Variants in OGDH observed in about 807,000 individuals in gnomAD.
The protein encoded by OGDH is 2-oxoglutarate dehydrogenase complex component E1.
A neutral mutation model predicts 116.6 loss-of-function variants in OGDH; 38 were observed. That is an observed-to-expected ratio of 0.33 (90% confidence interval 0.25 to 0.43). OGDH has a LOEUF of 0.43. Ranked by LOEUF, OGDH falls within the 20% of genes least tolerant of loss-of-function variation. OGDH has a pLI of 1.00. For missense variants in OGDH, 825 were observed against 1,357.2 expected, an observed-to-expected ratio of 0.61 and a Z score of 6.16; for synonymous variants, 488 against 533.3, an observed-to-expected ratio of 0.92 and a Z score of 1.17.
chr7:44,670,672 T>A (rs1260628648), intron 5 of OGDH, among the ~76,000 whole-genome samples: 1 of 152,190 alleles, frequency 6.6e-6, no homozygotes, highest in Non-Finnish European at 1.5e-5. Flanking sequence ...TTTTTGTGCA[T>A]CTAATTTAGA....
intron 1 of OGDH, among the ~76,000 whole-genome samples, chr7:44,611,284 G>C (rs921072201): frequency 6.6e-6 from 1 of 150,884 alleles, no homozygotes; most frequent in African/African-American, 2.4e-5. Flanking sequence ...TTTTTGAGAC[G>C]GAGTCTCGCT....
At chr7:44,706,624 A>ATTTTTTTTTTT (rs60453820) in intron 20 of OGDH, among the ~76,000 whole-genome samples, 15 of 123,242 alleles carry the variant, frequency 1.2e-4, no homozygotes, top group African/African-American at 2.9e-4. Flanking sequence ...CCCGGCTGGT[A>ATTTTTTTTTTT]TTTTTTTTTT....
chr7:44,676,612 GTGTATATATA>G (rs1006688069), intron 9 of OGDH: 3 of 111,502 alleles, frequency 2.7e-5, no homozygotes, highest in African/African-American at 1.7e-4. Context: ...GTGTGTGTGT[GTGTATATATA>G]TATATATATA....
At chr7:44,647,438 T>C in intron 3 of OGDH, 2 of 1,535,856 alleles carry the variant, frequency 1.3e-6, no homozygotes, top group Non-Finnish European at 1.7e-6. Flanking sequence ...GTGTTATTGC[T>C]TCCAGGTCAG....
Position 44,686,758 on chromosome 7 carries a change from G to C in OGDH, c.1335+4910G>C, listed in dbSNP as rs374108352. ...GGCCGGAGTGCAATGGCATGATCTC[G>C]GCTCACTGTAGCCTCCACCTCCTGG... On this transcript the variant is annotated intron_variant, in intron 10 of 22. Transcript: ENST00000222673. 2.4e-4 allele frequency among the ~76,000 whole-genome samples: 35 copies of C among 146,788 alleles called. No individual in the cohort carries two copies. The South Asian group carries it at 7.1e-3, about 30-fold the overall frequency.
intron 4 of OGDH, among the ~76,000 whole-genome samples, chr7:44,648,923 A>G (rs1449515810): frequency 1.3e-5 from 2 of 152,102 alleles, no homozygotes; most frequent in African/African-American, 4.8e-5. Context: ...TGTGCTCCCA[A>G]GAAGAGGGCC....
At chr7:44,657,338 A>G (rs1786735446) in intron 4 of OGDH, among the ~76,000 whole-genome samples, 1 of 152,236 alleles carries the variant, frequency 6.6e-6, no homozygotes, top group Non-Finnish European at 1.5e-5. Context: ...TTATAAATGT[A>G]GAATCACAGT....
Position 44,697,620 on chromosome 7 carries a change from C to T in OGDH, c.2196C>T (p.Phe732=), listed in dbSNP as rs749269578. The part of the protein sequence containing the change: ...EYGVLGFELG[F]AMASPNALVL... ...CCCTTGTAGGCTTTGAGCTGGGCTTCGCCATGGCCAGTCCTAATGCCCTGG... is the reference window on the plus strand; with the variant it reads ...CCCTTGTAGGCTTTGAGCTGGGCTTTGCCATGGCCAGTCCTAATGCCCTGG... Residue 732 remains phenylalanine, a synonymous_variant, in exon 17 of 23, where the codon TTC becomes TTT. Transcript: ENST00000222673. The surrounding 1 kb of genome is among the most constrained non-coding windows in gnomAD (Gnocchi z 6.0). 12 of 1,614,126 alleles carry T rather than the reference C, an allele frequency of 7.4e-6. No individual in the cohort carries two copies. Among genetic ancestry groups the T allele is most frequent in the Middle Eastern group, 1.6e-4 (1 of 6,082 alleles).
At chr7:44,676,610 G>A (rs1175918194) in intron 9 of OGDH, 29 of 140,816 alleles carry the variant, frequency 2.1e-4, no homozygotes, top group African/African-American at 8.6e-4. Context: ...ATGTGTGTGT[G>A]TGTGTATATA....
intron 5 of OGDH, among the ~76,000 whole-genome samples, chr7:44,671,757 G>T (rs1787467197): frequency 7.9e-6 from 1 of 127,044 alleles, no homozygotes; most frequent in Non-Finnish European, 1.6e-5. Context: ...GACAAAGCGA[G>T]ACTGCGTCTC....
In OGDH at chr7:44,697,170, A is replaced by G. The variant is rs2116363564; in HGVS notation, c.2051+106A>G. 2.6e-6 allele frequency: 4 copies of G among 1,510,752 alleles called. No individual in the cohort carries two copies. The East Asian group carries it at 9.1e-5, about 35-fold the overall frequency. The allele number at this position is 1,510,752 out of a possible 1,614,324, so 93.6% of individuals were successfully genotyped here. ...GACGGTTAGAAACCGGAAGAGTCAC[A>G]TTGCTCTCAGGCTGAAAACCTCTGT... On this transcript the variant is annotated intron_variant, in intron 15 of 22. Transcript: ENST00000222673. This position sits in a 1 kb window ranked among gnomAD's most constrained non-coding sequence, Gnocchi z 6.0.
In OGDH at chr7:44,639,697, TG is replaced by T. The variant is rs775070793; in HGVS notation, c.223-5625del. 1.8e-4 allele frequency among the ~76,000 whole-genome samples: 27 copies of T among 152,276 alleles called. No individual in the cohort carries two copies. In the East Asian group the frequency reaches 4.2e-3, roughly 24 times the overall value. ...AAAGAGGGCTTGCTGTTGTTGGGTG[TG>T]GGGGCTCACCCAGTCCTGGAGACAG... On this transcript the variant is annotated intron_variant, in intron 2 of 22. Transcript: ENST00000222673.
intron 17 of OGDH, 92 bp from the exon 18 acceptor site, chr7:44,698,100 G>A (rs1184207763): frequency 7.1e-7 from 1 of 1,411,826 alleles, no homozygotes; most frequent in Non-Finnish European, 9.9e-7. Context: ...AAGATAACCA[G>A]AAATGAGCTA....
intron 4 of OGDH, among the ~76,000 whole-genome samples, chr7:44,660,306 A>G (rs1055671382): frequency 6.6e-6 from 1 of 152,108 alleles, no homozygotes; most frequent in Non-Finnish European, 1.5e-5. Flanking sequence ...AAAATTTTTT[A>G]TAGAGGTGAA....
chr7:44,699,209 C>A (rs117919130), intron 18 of OGDH, among the ~76,000 whole-genome samples: 1,895 of 151,046 alleles, frequency 0.013, 20 homozygotes, highest in Non-Finnish European at 0.02. Context: ...AGGTGGATCA[C>A]GAGGCCAGGA....
intron 2 of OGDH, among the ~76,000 whole-genome samples, chr7:44,631,149 T>C (rs1404313129): frequency 3.9e-5 from 6 of 152,120 alleles, no homozygotes; most frequent in Non-Finnish European, 2.9e-5. Flanking sequence ...GTACAGGCAG[T>C]TTTTTACCAA....
intron 1 of OGDH, among the ~76,000 whole-genome samples, chr7:44,614,261 C>T (rs1224730096): frequency 6.8e-6 from 1 of 147,404 alleles, no homozygotes. Context: ...GTGTATAATG[C>T]ACCATTTCTC....
chr7:44,700,139 A>C lies in OGDH; in HGVS notation c.2431-2A>C. On this transcript the variant is annotated splice_acceptor_variant, in intron 18 of 22. Transcript: ENST00000222673. LOFTEE classifies it high-confidence loss of function. The stretch of plus-strand genomic sequence containing the variant: ...CTCTGGCCATTTCCTTCCCTGCTGC[A>C]GGACCTTAAAGAAGCCAACTTCGAC... 6.2e-7 allele frequency: 1 copy of C among 1,614,092 alleles called. No homozygotes were observed.
At chr7:44,664,322 T>G (rs1318645810) in intron 4 of OGDH, among the ~76,000 whole-genome samples, 1 of 152,162 alleles carries the variant, frequency 6.6e-6, no homozygotes, top group African/African-American at 2.4e-5. Flanking sequence ...CATTTTGGAT[T>G]CCCTCTTGGG....
Sources: gnomAD v4.1 joint callset for allele counts (sites outside exome capture counted in the v4.1 genomes callset) on GRCh38, gnomAD v4.1.1 for gene constraint, Gnocchi (gnomAD v3.1) non-coding constraint, MANE v1.5 for transcripts, NCBI Gene and HGNC (gene_info 2026-07-23, HGNC 2026-07-21) for gene names.